Variants in THSD7B observed in about 807,000 individuals in gnomAD.
THSD7B encodes the protein thrombospondin type-1 domain-containing protein 7B.
Under a neutral mutation model 213.6 loss-of-function variants are expected in THSD7B, and 138 were observed. That is an observed-to-expected ratio of 0.65 (90% confidence interval 0.56 to 0.74). The LOEUF is 0.74. Among genes scored for constraint, THSD7B ranks in the 30% least tolerant of loss-of-function variants. The pLI is 0.00. For missense variants in THSD7B, 1,931 were observed against 1,991.5 expected, an observed-to-expected ratio of 0.97 and a Z score of 0.58; for synonymous variants, 742 against 687.0, an observed-to-expected ratio of 1.08 and a Z score of -1.25.
intron 5 of THSD7B, among the ~76,000 whole-genome samples, chr2:137,135,219 A>C (rs1289452747): frequency 6.6e-6 from 1 of 152,168 alleles, no homozygotes; most frequent in Non-Finnish European, 1.5e-5. Context: ...TTCTTTTACT[A>C]ATTTTTCTTA....
intron 5 of THSD7B, among the ~76,000 whole-genome samples, chr2:137,128,415 A>G (rs1296664593): frequency 6.6e-6 from 1 of 152,206 alleles, no homozygotes; most frequent in Admixed American, 6.5e-5. Flanking sequence ...ATTGTGACAC[A>G]AATCACTCAT....
intron 17 of THSD7B, among the ~76,000 whole-genome samples, chr2:137,573,326 G>A (rs1397196966): frequency 6.6e-6 from 1 of 152,040 alleles, no homozygotes; most frequent in African/African-American, 2.4e-5. Flanking sequence ...GATTGTCATA[G>A]TGATAATTTG....
rs77375816 is a variant in THSD7B at position 137,442,537 on chromosome 2, A to G, written c.2960-8308A>G. Among the ~76,000 whole-genome samples the G allele has an allele frequency of 6.9e-3, 1,042 of 151,172 alleles. 11 individuals carry two copies. The highest frequency in any genetic ancestry group is 0.024 in the African/African-American group (999 of 41,154). ...GGAGACTCTGCGCCAAGTCCTCATC[A>G]CTCCAGGACCTGGGCTGATTGAGCA... On this transcript the variant is annotated intron_variant, in intron 14 of 27. Coordinates refer to ENST00000409968, the MANE Select transcript of THSD7B (RefSeq NM_001316349.2).
At chr2:136,984,050 G>A (rs1321519804) in intron 2 of THSD7B, among the ~76,000 whole-genome samples, 1 of 152,180 alleles carries the variant, frequency 6.6e-6, no homozygotes, top group East Asian at 1.9e-4. Context: ...GGCCTAGAAA[G>A]TAAGATTTTA....
intron 12 of THSD7B, among the ~76,000 whole-genome samples, chr2:137,343,746 G>T (rs955794580): frequency 2.6e-5 from 4 of 151,772 alleles, no homozygotes; most frequent in Non-Finnish European, 5.9e-5. Flanking sequence ...TTTTAGAAGA[G>T]AGCACATTTC....
At chr2:137,073,410 C>A (rs1439868295) in intron 3 of THSD7B, among the ~76,000 whole-genome samples, 3 of 152,168 alleles carry the variant, frequency 2.0e-5, no homozygotes, top group Non-Finnish European at 4.4e-5. Context: ...TTATAGTATT[C>A]TCTGATGGTA....
rs537878440 is a variant in THSD7B at position 137,559,052 on chromosome 2, A to G, written c.3139-4169A>G. 7.3e-3 allele frequency among the ~76,000 whole-genome samples: 1,109 copies of G among 152,328 alleles called. 5 individuals carry two copies. The highest frequency in any genetic ancestry group is 0.01 in the Non-Finnish European group (681 of 68,040). ...AAGGAGAACTACAAACCACTGCTCAATGAAATGAAAGAGGACACAAACAAA... is the reference window on the plus strand; with the variant it reads ...AAGGAGAACTACAAACCACTGCTCAGTGAAATGAAAGAGGACACAAACAAA... On this transcript the variant is annotated intron_variant, in intron 15 of 27. Transcript: ENST00000409968.
chr2:137,031,843 T>G (rs1314104167), intron 2 of THSD7B, among the ~76,000 whole-genome samples: 1 of 151,086 alleles, frequency 6.6e-6, no homozygotes, highest in African/African-American at 2.4e-5. Context: ...TTTTTTTTTT[T>G]TTTTAGCTGG....
Position 137,144,201 on chromosome 2 carries a change from G to C in THSD7B, c.1370-16012G>C, listed in dbSNP as rs187274948. On this transcript the variant is annotated intron_variant, in intron 5 of 27. Transcript: ENST00000409968. ...AAAGAAGAGAATAGGCTGGATTTCA[G>C]CTCCAACCTGCCCCCTTGGTAAGGT... is the stretch of plus-strand genomic sequence containing the variant. 5.7e-4 allele frequency among the ~76,000 whole-genome samples: 86 copies of C among 152,122 alleles called. No individual in the cohort carries two copies. The East Asian group carries it at 0.016, about 28-fold the overall frequency.
chr2:137,383,975 C>T (rs1211987932), intron 12 of THSD7B, among the ~76,000 whole-genome samples: 1 of 152,146 alleles, frequency 6.6e-6, no homozygotes. Context: ...AACTAATATA[C>T]CCTTGAAACA....
chr2:137,069,144 T>C (rs953382759), intron 3 of THSD7B, among the ~76,000 whole-genome samples: 3 of 152,090 alleles, frequency 2.0e-5, no homozygotes, highest in Non-Finnish European at 4.4e-5. Context: ...ATTTTTCTTT[T>C]TCATTTTGAC....
At chr2:136,837,665 G>A (rs2104952849) in intron 1 of THSD7B, among the ~76,000 whole-genome samples, 1 of 152,308 alleles carries the variant, frequency 6.6e-6, no homozygotes, top group South Asian at 2.1e-4. Flanking sequence ...GTGGCATTGT[G>A]TGTGTTATTC....
At chr2:137,362,012 C>T (rs1352549084) in intron 12 of THSD7B, among the ~76,000 whole-genome samples, 1 of 151,910 alleles carries the variant, frequency 6.6e-6, no homozygotes, top group East Asian at 1.9e-4. Flanking sequence ...AAAGGGAAGC[C>T]CATCAGACTA....
At chr2:137,383,364 T>C (rs1685821425) in intron 12 of THSD7B, among the ~76,000 whole-genome samples, 1 of 152,148 alleles carries the variant, frequency 6.6e-6, no homozygotes, top group Non-Finnish European at 1.5e-5. Flanking sequence ...GAGTCCAGGG[T>C]TCCACCCTGT....
chr2:136,970,398 A>G (rs940425389), intron 2 of THSD7B, among the ~76,000 whole-genome samples: 1 of 152,128 alleles, frequency 6.6e-6, no homozygotes, highest in African/African-American at 2.4e-5. Flanking sequence ...CCTGGAAGGC[A>G]GAGGTTGTAG....
chr2:137,657,048 A>G lies in THSD7B; in HGVS notation c.4280-17A>G, dbSNP rs373715492. 1 of 1,613,840 alleles carries G rather than the reference A, an allele frequency of 6.2e-7. No individual in the cohort carries two copies. Among genetic ancestry groups the G allele is most frequent in the Non-Finnish European group, 8.5e-7 (1 of 1,179,780 alleles). ...AGTGAGGTGTAATAGAACTGCTATT[A>G]TCATATTTACTTACAGGAGGCAAAT... On this transcript the variant is annotated splice_polypyrimidine_tract_variant and intron_variant, in intron 23 of 27. Coordinates refer to ENST00000409968, the MANE Select transcript of THSD7B (RefSeq NM_001316349.2).
chr2:137,409,822 A>C (rs541573495), intron 13 of THSD7B, among the ~76,000 whole-genome samples: 2 of 152,240 alleles, frequency 1.3e-5, no homozygotes, highest in African/African-American at 4.8e-5. Flanking sequence ...CGAGAATGAA[A>C]GTGTAGTCAA....
intron 15 of THSD7B, among the ~76,000 whole-genome samples, chr2:137,459,758 G>T (rs545339062): frequency 1.3e-5 from 2 of 151,946 alleles, no homozygotes; most frequent in African/African-American, 4.8e-5. Context: ...GATCATAACC[G>T]TTATTGGTCA....
intron 2 of THSD7B, among the ~76,000 whole-genome samples, chr2:136,990,515 C>T: frequency 6.6e-6 from 1 of 152,080 alleles, no homozygotes; most frequent in East Asian, 1.9e-4. Context: ...AGCAGATGAA[C>T]CTGAGACTGT....
Sources: allele counts gnomAD v4.1 joint callset (sites outside exome capture counted in the v4.1 genomes callset), GRCh38; gene constraint gnomAD v4.1.1; transcripts MANE v1.5; gene names NCBI Gene and HGNC (gene_info 2026-07-23, HGNC 2026-07-21).